ITGAX: variants seen among roughly 807,000 people sequenced by gnomAD.
ITGAX encodes the protein integrin alpha-X.
In ITGAX, 99 loss-of-function variants were observed where a neutral mutation model predicts 140.2. The observed-to-expected ratio is 0.71, with a 90% confidence interval of 0.60 to 0.83. The LOEUF (loss-of-function observed/expected upper bound fraction) is 0.83, where lower values mean the gene tolerates loss of function less well. Among genes scored for constraint, ITGAX ranks in the 40% least tolerant of loss-of-function variants. The pLI is 0.00. For missense variants in ITGAX, 1,444 were observed against 1,482.0 expected (o/e 0.97, Z 0.42); for synonymous variants, 631 against 600.4 (o/e 1.05, Z -0.75).
At chr16:31,357,162 G>C (rs1292339434) in intron 4 of ITGAX, 61 bp downstream of exon 4, 1 of 1,562,834 alleles carries the variant, frequency 6.4e-7, no homozygotes, top group Non-Finnish European at 8.7e-7. Flanking sequence ...GGGGCCGCGG[G>C]GGGCTGGGAG....
In ITGAX at chr16:31,382,070, T is replaced by A; in HGVS notation, c.*163T>A. On this transcript the variant is annotated 3_prime_UTR_variant, in exon 30 of 30. Transcript: ENST00000268296. Reference sequence around the variant, plus strand: ...AACGTCTTGCTTGGGAAGGGGCCTTTGTCTTGTCAAGGTTCCAACTGGAAA... The same window carrying A: ...AACGTCTTGCTTGGGAAGGGGCCTTAGTCTTGTCAAGGTTCCAACTGGAAA... 2.1e-6 allele frequency: 3 copies of A among 1,437,126 alleles called. No homozygotes were observed. Among genetic ancestry groups the A allele is most frequent in the Non-Finnish European group, 2.7e-6 (3 of 1,100,830 alleles). 89.0% of individuals were successfully genotyped at this position (1,437,126 alleles called of 1,614,324 possible).
chr16:31,361,040 G>T (rs1165941728), intron 8 of ITGAX, 23 bp from the exon 9 acceptor site: 3 of 1,608,668 alleles, frequency 1.9e-6, no homozygotes, highest in South Asian at 2.2e-5. Context: ...TATTTTTACT[G>T]AGTTGATCTT....
Position 31,359,767 on chromosome 16 carries a change from C to T in ITGAX, c.498C>T (p.Asn166=), listed in dbSNP as rs139287488. 1 of 1,614,176 alleles carries T rather than the reference C, an allele frequency of 6.2e-7. No homozygotes were observed. The highest frequency in any genetic ancestry group is 1.1e-5 in the South Asian group (1 of 91,086). The part of the protein sequence containing the change: ...IDGSGSISSR[N]FATMMNFVRA... ...GCTCAGGCAGCATCTCCTCCCGCAACTTTGCCACGATGATGAACTTCGTGA... is the reference window on the plus strand; with the variant it reads ...GCTCAGGCAGCATCTCCTCCCGCAATTTTGCCACGATGATGAACTTCGTGA... The change falls in exon 6 of 30, where the codon AAC becomes AAT. Residue 166 remains asparagine, a synonymous_variant. Transcript: ENST00000268296.
At chr16:31,376,500 C>T (rs2081020345) in intron 20 of ITGAX, among the ~76,000 whole-genome samples, 1 of 152,136 alleles carries the variant, frequency 6.6e-6, no homozygotes, top group Middle Eastern at 3.4e-3. Context: ...GTGGTGTGTG[C>T]CTGTAGTCCT....
chr16:31,379,980 A>C lies in ITGAX; in HGVS notation c.2977-2A>C. The C allele has an allele frequency of 6.2e-7, 1 of 1,614,100 alleles. No homozygotes were observed. The highest frequency in any genetic ancestry group is 8.5e-7 in the Non-Finnish European group (1 of 1,179,942). Reference sequence around the variant, plus strand: ...ACACTTGTTCTCTGCATTTTCCCCCAGAACCCATCCCTTCGGTGCTCCTCA... The same window carrying C: ...ACACTTGTTCTCTGCATTTTCCCCCCGAACCCATCCCTTCGGTGCTCCTCA... On this transcript the variant is annotated splice_acceptor_variant, in intron 25 of 29. Transcript: ENST00000268296. LOFTEE classifies it high-confidence loss of function.
chr16:31,356,152 C>T (rs572888614), intron 2 of ITGAX, 154 bp downstream of exon 2: 29 of 577,332 alleles, frequency 5.0e-5, no homozygotes, highest in African/African-American at 7.6e-5. Context: ...AAGGCAGGCA[C>T]GGTCTCACAG....
At chr16:31,365,051 G>A (rs1487847844) in intron 14 of ITGAX, among the ~76,000 whole-genome samples, 1 of 151,994 alleles carries the variant, frequency 6.6e-6, no homozygotes, top group Non-Finnish European at 1.5e-5. Flanking sequence ...GTTAAACATA[G>A]AGTTGCCATG....
chr16:31,380,759 G>A, intron 28 of ITGAX, 135 bp downstream of exon 28: 1 of 1,290,224 alleles, frequency 7.8e-7, no homozygotes, highest in Non-Finnish European at 1.1e-6. Flanking sequence ...TGTCCCTAAG[G>A]GCACGGGTGC....
At chr16:31,357,524 C>G in intron 5 of ITGAX, 160 bp downstream of exon 5, 2 of 594,810 alleles carry the variant, frequency 3.4e-6, no homozygotes, top group Non-Finnish European at 5.9e-6. Flanking sequence ...CCCGCACATC[C>G]TGCCGATCGC....
At chr16:31,379,360 G>A (rs544880246) in intron 23 of ITGAX, among the ~76,000 whole-genome samples, 3 of 152,006 alleles carry the variant, frequency 2.0e-5, no homozygotes, top group South Asian at 4.2e-4. Context: ...CAGGTGATCC[G>A]CCCATCTCAG....
At position 31,380,892 on chromosome 16, in the gene ITGAX, T is replaced by G; in HGVS notation, c.3277-5T>G. 1 of 1,613,614 alleles carries G rather than the reference T, an allele frequency of 6.2e-7. No individual in the cohort carries two copies. Among genetic ancestry groups the G allele is most frequent in the Non-Finnish European group, 8.5e-7 (1 of 1,179,608 alleles). ...AGTGCTCTGACAGGGTCACTTCCAC[T>G]TCAGACGACAACGGTGCTGGAGAAG... On this transcript the variant is annotated splice_region_variant and splice_polypyrimidine_tract_variant and intron_variant, in intron 28 of 29. Coordinates refer to ENST00000268296, the MANE Select transcript of ITGAX (RefSeq NM_000887.5).
chr16:31,356,053 GC>G (rs1194265101), intron 2 of ITGAX, 55 bp downstream of exon 2: 25 of 1,281,670 alleles, frequency 2.0e-5, no homozygotes, highest in Non-Finnish European at 2.7e-5. Context: ...CCTGCTCAGG[GC>G]CCCATGCCCC....
chr16:31,377,332 A>G, intron 23 of ITGAX, 67 bp downstream of exon 23: 2 of 1,317,964 alleles, frequency 1.5e-6, no homozygotes, highest in East Asian at 2.3e-5. Context: ...AAAAAAAAAA[A>G]GGCCTTGAAA....
At position 31,380,706 on chromosome 16, in the gene ITGAX, CA is replaced by C. The variant is rs904168327; in HGVS notation, c.3276+84del. 8 of 1,558,698 alleles carry C rather than the reference CA, an allele frequency of 5.1e-6. No homozygotes were observed. The African/African-American group carries it at 1.1e-4, about 21-fold the overall frequency. On this transcript the variant is annotated intron_variant, in intron 28 of 29. Transcript: ENST00000268296. ...TCTGTGGTGCTGGGTGGGGGGTTTG[CA>C]AGCCTTGGGGGAGGAGGGCGAAGGC...
intron 20 of ITGAX, among the ~76,000 whole-genome samples, chr16:31,373,932 C>A (rs968828306): frequency 2.6e-5 from 4 of 152,188 alleles, no homozygotes; most frequent in African/African-American, 9.7e-5. Flanking sequence ...GGTTGCCAAT[C>A]CCTGCTTTAA....
intron 17 of ITGAX, 124 bp from the exon 18 acceptor site, chr16:31,372,254 A>G: frequency 9.2e-7 from 1 of 1,091,914 alleles, no homozygotes; most frequent in Non-Finnish European, 1.3e-6. Context: ...GACGCTGAGC[A>G]GGCTCTGGAG....
At chr16:31,375,263 G>A (rs961519454) in intron 20 of ITGAX, among the ~76,000 whole-genome samples, 6 of 152,302 alleles carry the variant, frequency 3.9e-5, no homozygotes, top group South Asian at 2.1e-4. Flanking sequence ...TGATCCACCC[G>A]ATTCGGCCTC....
Position 31,363,180 on chromosome 16 carries a change from T to G in ITGAX, c.1516T>G (p.Cys506Gly). 1 of 1,610,910 alleles carries G rather than the reference T, an allele frequency of 6.2e-7. No individual in the cohort carries two copies. The highest frequency in any genetic ancestry group is 1.3e-5 in the African/African-American group (1 of 74,742). The change falls in exon 14 of 30, where the codon TGT becomes GGT. Residue 506 changes from cysteine (C) to glycine (G), a missense_variant. By Grantham distance (159) the Cys-to-Gly change is radical (BLOSUM62 -3). Coordinates refer to ENST00000268296, the MANE Select transcript of ITGAX (RefSeq NM_000887.5). ...PLPRGWRRWW[C>G]DAVLYGEQGH... ...TTTTCTGCAGTGGAGAAGGTGGTGG[T>G]GTGATGCTGTTCTCTACGGGGAGCA...
In ITGAX at chr16:31,355,995, C is replaced by T. The variant is rs760869669; in HGVS notation, c.140C>T (p.Ser47Phe). 6.2e-7 allele frequency: 1 copy of T among 1,609,360 alleles called. No individual in the cohort carries two copies. Among genetic ancestry groups the T allele is most frequent in the East Asian group, 2.2e-5 (1 of 44,730 alleles). Reference sequence around the variant, plus strand: ...GACAGCGTGGTCCAGTATGCCAACTCCTGGTGAGGCCCAGGTGGTGCTGGC... The same window carrying T: ...GACAGCGTGGTCCAGTATGCCAACTTCTGGTGAGGCCCAGGTGGTGCTGGC... ...FGDSVVQYAN[S>F]WVVVGAPQKI... is the part of the protein sequence containing the mutation. The change falls in exon 2 of 30, where the codon TCC (serine) becomes TTC (phenylalanine). Residue 47 changes from serine to phenylalanine, a missense_variant. Physicochemically the swap from Ser to Phe is radical, Grantham distance 155. Transcript: ENST00000268296.
Sources: gnomAD v4.1 joint callset for allele counts (sites outside exome capture counted in the v4.1 genomes callset) on GRCh38, gnomAD v4.1.1 for gene constraint, MANE v1.5 for transcripts, NCBI Gene and HGNC (gene_info 2026-07-23, HGNC 2026-07-21) for gene names.